The following RSPH4A variants were observed in gnomAD, a reference collection of about 807,000 sequenced individuals.
RSPH4A encodes radial spoke head component 4A, also known as radial spoke head protein 4 homolog A.
A neutral mutation model predicts 71.0 loss-of-function variants in RSPH4A; 47 were observed. That is an observed-to-expected ratio of 0.66 (90% CI 0.52 to 0.84). RSPH4A has a LOEUF of 0.84. RSPH4A is among the 40% of genes least tolerant of loss of function. The pLI is 0.00. For synonymous variants in RSPH4A, 282 were observed against 302.3 expected (o/e 0.93, Z 0.70); for missense variants, 793 against 855.2 (o/e 0.93, Z 0.91).
chr6:116,626,566 C>T (rs1056165401), intron 2 of RSPH4A, among the ~76,000 whole-genome samples: 2 of 152,130 alleles, frequency 1.3e-5, no homozygotes, highest in African/African-American at 4.8e-5. Context: ...TGGTCTCGAT[C>T]TACTGACCTT....
At chr6:116,626,082 G>A (rs992310902) in intron 2 of RSPH4A, among the ~76,000 whole-genome samples, 9 of 152,176 alleles carry the variant, frequency 5.9e-5, no homozygotes, top group Non-Finnish European at 1.0e-4. Flanking sequence ...AGAGACTTAA[G>A]ATGAAATAGT....
At chr6:116,626,958 A>C (rs1234795870) in intron 2 of RSPH4A, among the ~76,000 whole-genome samples, 2 of 152,160 alleles carry the variant, frequency 1.3e-5, no homozygotes, top group African/African-American at 4.8e-5. Context: ...ATTTTGTTCT[A>C]AATATATGTG....
chr6:116,617,945 C>T (rs1473342857), intron 1 of RSPH4A, among the ~76,000 whole-genome samples: 1 of 151,540 alleles, frequency 6.6e-6, no homozygotes, highest in South Asian at 2.1e-4. Context: ...AATTTTAGAA[C>T]TTATGACATG....
intron 1 of RSPH4A, among the ~76,000 whole-genome samples, chr6:116,618,409 A>G (rs957165728): frequency 1.3e-5 from 2 of 152,254 alleles, no homozygotes; most frequent in African/African-American, 2.4e-5. Context: ...ATACCACTAT[A>G]TACTTAGTGG....
At position 116,630,447 on chromosome 6, in the gene RSPH4A, T is replaced by C. The variant is rs1031372447; in HGVS notation, c.1811T>C (p.Ile604Thr). 48 of 1,585,328 alleles carry C rather than the reference T, an allele frequency of 3.0e-5. No individual in the cohort carries two copies. Among genetic ancestry groups the C allele is most frequent in the Middle Eastern group, 1.7e-4 (1 of 6,028 alleles). The change falls in exon 5 of 6, where the codon ATA becomes ACA. Residue 604 changes from isoleucine (I) to threonine (T), a missense_variant. Physicochemically the swap from Ile to Thr is moderately conservative, Grantham distance 89. Transcript: ENST00000229554. ...CTTTGGGTTCCAGAGATTCAGAATATACCCCCCTGGACAACACGGTTATCC... is the reference window on the plus strand; with the variant it reads ...CTTTGGGTTCCAGAGATTCAGAATACACCCCCCTGGACAACACGGTTATCC... ...PISEDLEIQN[I>T]PPWTTRLSSN...
At position 116,632,707 on chromosome 6, in the gene RSPH4A, T is replaced by G; in HGVS notation, c.*266T>G. The G allele has an allele frequency of 2.4e-6, 1 of 411,422 alleles. No individual in the cohort carries two copies. Among genetic ancestry groups the G allele is most frequent in the Non-Finnish European group, 4.5e-6 (1 of 221,274 alleles). 25.5% of individuals were successfully genotyped at this position (411,422 alleles called of 1,614,324 possible). Reference sequence around the variant, plus strand: ...GTTCTGAGGGTTATGGATAATGGAATATGTGTTTGTACATTCCTGTTTTTA... The same window carrying G: ...GTTCTGAGGGTTATGGATAATGGAAGATGTGTTTGTACATTCCTGTTTTTA... On this transcript the variant is annotated 3_prime_UTR_variant, in exon 6 of 6. Coordinates refer to ENST00000229554, the MANE Select transcript of RSPH4A (RefSeq NM_001010892.3).
intron 2 of RSPH4A, 95 bp downstream of exon 2, chr6:116,623,097 C>CTTGTTTCGTT: frequency 1.3e-6 from 1 of 762,570 alleles, no homozygotes; most frequent in South Asian, 1.6e-5. Context: ...TATTTTATAG[C>CTTGTTTCGTT]TTGTTTTGTT....
chr6:116,623,417 A>AT (rs1265305493), intron 2 of RSPH4A, among the ~76,000 whole-genome samples: 2 of 152,076 alleles, frequency 1.3e-5, no homozygotes, highest in African/African-American at 2.4e-5. Context: ...TTTACATCTT[A>AT]TTTTTTAAAA....
intron 1 of RSPH4A, among the ~76,000 whole-genome samples, chr6:116,618,849 T>C (rs1044029238): frequency 6.6e-6 from 1 of 152,182 alleles, no homozygotes; most frequent in African/African-American, 2.4e-5. Flanking sequence ...CCCACAAGAC[T>C]GCCCCACACT....
chr6:116,619,839 C>A (rs1440157074), intron 1 of RSPH4A, among the ~76,000 whole-genome samples: 1 of 152,174 alleles, frequency 6.6e-6, no homozygotes, highest in Non-Finnish European at 1.5e-5. Flanking sequence ...TTGCCTCAGC[C>A]TCCCAAGTAG....
In RSPH4A at chr6:116,630,847, AT is replaced by A. The variant is rs10694358; in HGVS notation, c.1916+318del. Among the ~76,000 whole-genome samples the A allele has an allele frequency of 2.1e-4, 18 of 87,602 alleles. 1 individual carries two copies. The highest frequency in any genetic ancestry group is 1.0e-3 in the East Asian group (3 of 2,864). The allele number at this position is 87,602 out of a possible 152,430, so 57.5% of individuals were successfully genotyped here. Reference sequence around the variant, plus strand: ...ACCACTATGCCCAGCTAATTTTTGTATTTTTTTTTTTTTTTTTTTTTTTAGT... The same window carrying A: ...ACCACTATGCCCAGCTAATTTTTGTATTTTTTTTTTTTTTTTTTTTTTAGT... On this transcript the variant is annotated intron_variant, in intron 5 of 5. Transcript: ENST00000229554.
chr6:116,622,054 C>T (rs62424401), intron 1 of RSPH4A, among the ~76,000 whole-genome samples: 4,168 of 152,084 alleles, frequency 0.027, 77 homozygotes, highest in Non-Finnish European at 0.042. Context: ...GGCAGTGTTT[C>T]GAATGGAATA....
chr6:116,631,168 T>G (rs1052997646), intron 5 of RSPH4A, among the ~76,000 whole-genome samples: 3 of 152,094 alleles, frequency 2.0e-5, no homozygotes, highest in African/African-American at 7.3e-5. Flanking sequence ...TTTTCATCAT[T>G]GATTATTTGG....
chr6:116,629,719 A>G lies in RSPH4A; in HGVS notation c.1798+17A>G, dbSNP rs1775762262. Reference sequence around the variant, plus strand: ...AAGATTTAGGTTATTTTACGTAACTATTATCACACACAGACACACAAACAA... The same window carrying G: ...AAGATTTAGGTTATTTTACGTAACTGTTATCACACACAGACACACAAACAA... On this transcript the variant is annotated intron_variant, in intron 4 of 5. Transcript: ENST00000229554. 2 of 1,594,848 alleles carry G rather than the reference A, an allele frequency of 1.3e-6. No homozygotes were observed. Among genetic ancestry groups the G allele is most frequent in the African/African-American group, 2.7e-5 (2 of 74,470 alleles).
Position 116,616,572 on chromosome 6 carries a change from C to T in RSPH4A, c.-52C>T. On this transcript the variant is annotated 5_prime_UTR_variant, in exon 1 of 6. Coordinates refer to ENST00000229554, the MANE Select transcript of RSPH4A (RefSeq NM_001010892.3). ...GTAACTTAACTGAGTTGCCTTCTTC[C>T]ATATTTTCACGCCCCTTTCATCCAG... 6.8e-7 allele frequency: 1 copy of T among 1,473,256 alleles called. No individual in the cohort carries two copies. 91.3% of individuals were successfully genotyped at this position (1,473,256 alleles called of 1,614,324 possible). A position where few individuals can be genotyped will look rare whatever the true frequency, so the allele number is the denominator to read the frequency against.
intron 1 of RSPH4A, among the ~76,000 whole-genome samples, chr6:116,617,959 A>G (rs1775538996): frequency 6.9e-6 from 1 of 144,562 alleles, no homozygotes; most frequent in Non-Finnish European, 1.6e-5. Flanking sequence ...TGACATGTAT[A>G]GATTTCTATA....
At chr6:116,621,521 G>A (rs181992970) in intron 1 of RSPH4A, among the ~76,000 whole-genome samples, 2 of 152,300 alleles carry the variant, frequency 1.3e-5, no homozygotes, top group Non-Finnish European at 1.5e-5. Context: ...AGAACGTACT[G>A]CAGTTGCTGA....
At chr6:116,622,547 AAGACTTCAAGTTATTGAAGT>A (rs1775626764) in intron 1 of RSPH4A, among the ~76,000 whole-genome samples, 1 of 152,206 alleles carries the variant, frequency 6.6e-6, no homozygotes, top group African/African-American at 2.4e-5. Context: ...AAAATCTCTG[AAGACTTCAAGTTATTGAAGT>A]TCCTTAAAAA....
At chr6:116,621,200 T>C (rs549843967) in intron 1 of RSPH4A, among the ~76,000 whole-genome samples, 75 of 152,190 alleles carry the variant, frequency 4.9e-4, no homozygotes, top group Non-Finnish European at 9.0e-4. Context: ...GGAAGCTTGA[T>C]GAAGTTTTAA....
Sources: allele counts gnomAD v4.1 joint callset (sites outside exome capture counted in the v4.1 genomes callset), GRCh38; gene constraint gnomAD v4.1.1; transcripts MANE v1.5; gene names NCBI Gene and HGNC (gene_info 2026-07-23, HGNC 2026-07-21).